PDE7B: variants seen among roughly 807,000 people sequenced by gnomAD.
The protein encoded by PDE7B is phosphodiesterase 7B, also known as 3',5'-cyclic-AMP phosphodiesterase 7B.
A neutral mutation model predicts 56.2 loss-of-function variants in PDE7B; 29 were observed. The observed-to-expected ratio is 0.52, with a 90% CI of 0.38 to 0.70. The LOEUF (loss-of-function observed/expected upper bound fraction) is 0.70. Among genes scored for constraint, PDE7B ranks in the 30% least tolerant of loss-of-function variants. PDE7B has a pLI of 0.00. For missense variants in PDE7B, 490 were observed against 565.0 expected, an observed-to-expected ratio of 0.87 and a Z score of 1.35; for synonymous variants, 197 against 196.9, an observed-to-expected ratio of 1.00 and a Z score of 0.00.
At chr6:136,132,210 G>T (rs1181480656) in intron 3 of PDE7B, among the ~76,000 whole-genome samples, 1 of 151,870 alleles carries the variant, frequency 6.6e-6, no homozygotes, top group East Asian at 1.9e-4. Flanking sequence ...ACTTCCCCCA[G>T]CCCCTAGCAA....
At chr6:136,076,752 A>G (rs1299261587) in intron 2 of PDE7B, among the ~76,000 whole-genome samples, 1 of 152,114 alleles carries the variant, frequency 6.6e-6, no homozygotes, top group African/African-American at 2.4e-5. Flanking sequence ...TGCACTCCAT[A>G]ATGTTGAAAG....
intron 12 of PDE7B, among the ~76,000 whole-genome samples, chr6:136,188,522 C>T (rs148726306): frequency 6.6e-6 from 1 of 152,250 alleles, no homozygotes; most frequent in East Asian, 1.9e-4. Context: ...TAGATGCTAA[C>T]CAAAGTCCTA....
At chr6:135,895,908 G>C (rs1312656549) in intron 1 of PDE7B, among the ~76,000 whole-genome samples, 1 of 152,080 alleles carries the variant, frequency 6.6e-6, no homozygotes. Context: ...ACACTCCCTA[G>C]CTCACCCTAG....
At chr6:135,916,395 T>TTC (rs1318537500) in intron 1 of PDE7B, among the ~76,000 whole-genome samples, 1 of 138,488 alleles carries the variant, frequency 7.2e-6, no homozygotes, top group Non-Finnish European at 1.5e-5. Context: ...TTTCTTTCTT[T>TTC]TTTTTTTTTT....
intron 2 of PDE7B, among the ~76,000 whole-genome samples, chr6:136,019,448 G>A (rs973663309): frequency 1.3e-5 from 2 of 152,096 alleles, no homozygotes; most frequent in African/African-American, 4.8e-5. Flanking sequence ...GGCTGGCATC[G>A]ACACTGTAAA....
intron 1 of PDE7B, among the ~76,000 whole-genome samples, chr6:135,860,371 A>T (rs1775122370): frequency 6.6e-6 from 1 of 152,190 alleles, no homozygotes; most frequent in East Asian, 1.9e-4. Context: ...TGAAAATGTT[A>T]ATCTACCCAC....
At chr6:136,122,091 G>A (rs1777944882) in intron 3 of PDE7B, among the ~76,000 whole-genome samples, 1 of 152,050 alleles carries the variant, frequency 6.6e-6, no homozygotes, top group Admixed American at 6.5e-5. Flanking sequence ...CGCCTCCCGG[G>A]TTCACGCCAC....
chr6:135,973,494 A>G (rs907970914), intron 2 of PDE7B, among the ~76,000 whole-genome samples: 17 of 152,174 alleles, frequency 1.1e-4, no homozygotes. Context: ...ATACTTAGTA[A>G]TGGGGTTGCA....
chr6:136,152,864 G>A (rs530037010), intron 6 of PDE7B, among the ~76,000 whole-genome samples: 1 of 152,314 alleles, frequency 6.6e-6, no homozygotes, highest in Admixed American at 6.5e-5. Context: ...CCAAGGACCT[G>A]CATATATTAA....
chr6:135,983,614 C>T (rs551014567), intron 2 of PDE7B, among the ~76,000 whole-genome samples: 1 of 152,220 alleles, frequency 6.6e-6, no homozygotes, highest in East Asian at 1.9e-4. Flanking sequence ...ACTAAAGTTT[C>T]CTAAATAGGA....
chr6:135,940,484 T>A (rs559875101), intron 1 of PDE7B, among the ~76,000 whole-genome samples: 26 of 152,352 alleles, frequency 1.7e-4, no homozygotes, highest in African/African-American at 6.0e-4. Context: ...ACTGTTCACT[T>A]ATTCATTCAC....
chr6:135,998,112 C>T (rs573844673), intron 2 of PDE7B, among the ~76,000 whole-genome samples: 1 of 152,212 alleles, frequency 6.6e-6, no homozygotes, highest in African/African-American at 2.4e-5. Flanking sequence ...TATTTGAAAT[C>T]ACTTTTTATT....
Position 136,191,623 on chromosome 6 carries a change from G to A in PDE7B, c.1136G>A (p.Ser379Asn), listed in dbSNP as rs1468698440. The A allele has an allele frequency of 6.2e-7, 1 of 1,613,856 alleles. No homozygotes were observed. Among genetic ancestry groups the A allele is most frequent in the Admixed American group, 1.7e-5 (1 of 60,022 alleles). The change falls in exon 13 of 13, where the codon AGC becomes AAC. Residue 379 changes from serine (S) to asparagine (N), a missense_variant. Ser to Asn is a conservative substitution (Grantham distance 46). Coordinates refer to ENST00000308191, the MANE Select transcript of PDE7B (RefSeq NM_018945.4). ...GACTTGCCTGTTCTAGGTTTCATGA[G>A]CTACATCGTGGAGCCGCTCTTCCGG... The part of the protein sequence containing the change: ...SIPSIQIGFM[S>N]YIVEPLFREW...
chr6:136,158,342 A>G (rs1332695534), intron 8 of PDE7B, among the ~76,000 whole-genome samples: 1 of 152,188 alleles, frequency 6.6e-6, no homozygotes, highest in Non-Finnish European at 1.5e-5. Flanking sequence ...GTAATGAATG[A>G]AAAAAATATA....
chr6:136,118,322 G>A lies in PDE7B; in HGVS notation c.166+9508G>A, dbSNP rs144804228. On this transcript the variant is annotated intron_variant, in intron 3 of 12. Coordinates refer to ENST00000308191, the MANE Select transcript of PDE7B (RefSeq NM_018945.4). ...GAAAGCATTATCACATTGTAACTGC[G>A]AAGTCATTGAACCTGAATTTCTGGA... 6.1e-3 allele frequency among the ~76,000 whole-genome samples: 923 copies of A among 152,266 alleles called. 11 individuals are homozygous for A. The highest frequency in any genetic ancestry group is 0.021 in the African/African-American group (862 of 41,536).
chr6:136,140,643 A>C (rs999055719), intron 3 of PDE7B, among the ~76,000 whole-genome samples: 101 of 152,084 alleles, frequency 6.6e-4, no homozygotes, highest in African/African-American at 2.3e-3. Flanking sequence ...CTTTTATTTC[A>C]TTGAGCAGTG....
rs1778940118 is a variant in PDE7B at position 136,174,176 on chromosome 6, C to T, written c.803+288C>T. On this transcript the variant is annotated intron_variant, in intron 9 of 12. Coordinates refer to ENST00000308191, the MANE Select transcript of PDE7B (RefSeq NM_018945.4). The stretch of plus-strand genomic sequence containing the variant: ...CACACGCTTCAGTATCAGTGCTCGA[C>T]TTTGCCAAATTCCCGACCTTTAGTT... Among the ~76,000 whole-genome samples the T allele has an allele frequency of 3.3e-5, 5 of 152,284 alleles. No individual in the cohort carries two copies. In the South Asian group the frequency reaches 8.3e-4, roughly 25 times the overall value.
Position 136,002,403 on chromosome 6 carries a change from G to A in PDE7B, c.82+54879G>A, listed in dbSNP as rs191570517. Among the ~76,000 whole-genome samples the A allele has an allele frequency of 7.1e-3, 1,080 of 152,306 alleles. 21 individuals carry two copies. Among genetic ancestry groups the A allele is most frequent in the African/African-American group, 0.024 (999 of 41,556 alleles). On this transcript the variant is annotated intron_variant, in intron 2 of 12. Transcript: ENST00000308191. ...ATGCTCCAATTAAAAGACACAGACTGAGAAATTGGATAAAGAGTCAAGACC... is the reference window on the plus strand; with the variant it reads ...ATGCTCCAATTAAAAGACACAGACTAAGAAATTGGATAAAGAGTCAAGACC...
At chr6:135,963,567 C>A (rs939323137) in intron 2 of PDE7B, among the ~76,000 whole-genome samples, 2 of 152,110 alleles carry the variant, frequency 1.3e-5, no homozygotes, top group Admixed American at 1.3e-4. Flanking sequence ...GTGTATAGAA[C>A]CTTAAGTGGT....
Sources: allele counts gnomAD v4.1 joint callset (sites outside exome capture counted in the v4.1 genomes callset), GRCh38; gene constraint gnomAD v4.1.1; transcripts MANE v1.5; gene names NCBI Gene and HGNC (gene_info 2026-07-23, HGNC 2026-07-21).